DGKI: variants seen among roughly 807,000 people sequenced by gnomAD.
DGKI encodes the protein DAG kinase iota.
DGKI carries 55 observed loss-of-function variants against 147.5 expected under a neutral mutation model. That is an observed-to-expected ratio of 0.37 (90% CI 0.30 to 0.47). DGKI has a LOEUF of 0.47. DGKI is among the 20% of genes least tolerant of loss of function. The pLI is 1.00. For missense variants in DGKI, 1,007 were observed against 1,323.8 expected (o/e 0.76, Z 3.71); for synonymous variants, 469 against 477.1 (o/e 0.98, Z 0.22).
intron 28 of DGKI, among the ~76,000 whole-genome samples, chr7:137,435,567 G>T (rs1006511964): frequency 3.9e-5 from 6 of 152,072 alleles, no homozygotes; most frequent in Non-Finnish European, 7.4e-5. Flanking sequence ...GAGCTAAAGC[G>T]GGAAGAGAAA....
At chr7:137,421,001 AGAGT>A (rs951880674) in intron 28 of DGKI, among the ~76,000 whole-genome samples, 3 of 152,310 alleles carry the variant, frequency 2.0e-5, no homozygotes, top group South Asian at 2.1e-4. Flanking sequence ...CCTGAGTGAC[AGAGT>A]GAGATTCCGT....
At chr7:137,393,339 T>G (rs192265845) in intron 32 of DGKI, among the ~76,000 whole-genome samples, 362 of 152,256 alleles carry the variant, frequency 2.4e-3, no homozygotes, top group African/African-American at 8.2e-3. Context: ...GCAGACCTGC[T>G]CAAGAGCCAG....
chr7:137,562,776 T>C (rs1220589795), intron 19 of DGKI, among the ~76,000 whole-genome samples: 1 of 152,148 alleles, frequency 6.6e-6, no homozygotes, highest in Non-Finnish European at 1.5e-5. Context: ...TCTATATCTA[T>C]ACTTGCCTTA....
chr7:137,600,410 A>C (rs560454995), intron 10 of DGKI, among the ~76,000 whole-genome samples: 2 of 152,204 alleles, frequency 1.3e-5, no homozygotes, highest in Non-Finnish European at 2.9e-5. Context: ...ACTCTGGGCA[A>C]GTTTCTTCAT....
At chr7:137,554,044 T>C (rs566111853) in intron 19 of DGKI, among the ~76,000 whole-genome samples, 1 of 152,090 alleles carries the variant, frequency 6.6e-6, no homozygotes, top group Admixed American at 6.6e-5. Context: ...GACTCAAAAA[T>C]AAAACAACAG....
At chr7:137,435,276 C>CA (rs1012523998) in intron 28 of DGKI, among the ~76,000 whole-genome samples, 9 of 151,904 alleles carry the variant, frequency 5.9e-5, no homozygotes, top group Middle Eastern at 3.2e-3. Flanking sequence ...GGAACACACT[C>CA]AAAAAAACAA....
chr7:137,836,083 A>G (rs1404224291), intron 1 of DGKI, among the ~76,000 whole-genome samples: 1 of 152,232 alleles, frequency 6.6e-6, no homozygotes, highest in Non-Finnish European at 1.5e-5. Flanking sequence ...ATTATTATTA[A>G]GTACCTAAAT....
At chr7:137,550,167 G>GT (rs71533756) in intron 20 of DGKI, among the ~76,000 whole-genome samples, 2,230 of 137,954 alleles carry the variant, frequency 0.016, 35 homozygotes, top group African/African-American at 0.033. Flanking sequence ...TGTTGTTTGA[G>GT]TTTTTTTTTT....
chr7:137,845,480 G>C (rs1363068709), intron 1 of DGKI, among the ~76,000 whole-genome samples: 2 of 152,164 alleles, frequency 1.3e-5, no homozygotes, highest in Non-Finnish European at 2.9e-5. Flanking sequence ...GAAACCCTCT[G>C]AGCTCCAGCA....
At chr7:137,635,081 T>C (rs1477182320) in intron 6 of DGKI, among the ~76,000 whole-genome samples, 2 of 152,226 alleles carry the variant, frequency 1.3e-5, no homozygotes, top group African/African-American at 2.4e-5. Flanking sequence ...CATTAATTCC[T>C]ACCAGAGAGC....
At chr7:137,412,295 T>C (rs2128901329) in intron 28 of DGKI, 88 bp from the exon 29 acceptor site, 7 of 1,242,280 alleles carry the variant, frequency 5.6e-6, no homozygotes, top group Middle Eastern at 1.9e-4. Flanking sequence ...TTTGGATAAG[T>C]AGTCTACATT....
At chr7:137,727,939 G>C (rs578202212) in intron 1 of DGKI, among the ~76,000 whole-genome samples, 28 of 152,218 alleles carry the variant, frequency 1.8e-4, no homozygotes, top group African/African-American at 2.9e-4. Context: ...AGTGGAACCA[G>C]CTTGGAGACA....
intron 20 of DGKI, among the ~76,000 whole-genome samples, chr7:137,539,346 A>G (rs1230251677): frequency 3.3e-5 from 5 of 152,210 alleles, no homozygotes; most frequent in Non-Finnish European, 7.3e-5. Context: ...CCAAGAGACC[A>G]GAAAGTACCA....
Position 137,618,151 on chromosome 7 carries a change from A to ATATATT in DGKI, c.993+1672_993+1673insAATATA. ...ACTATATATATATATATATATATAT[A>ATATATT]TTTTTTTTTTTTTACTCTATCATTC... On this transcript the variant is annotated intron_variant, in intron 8 of 32. Transcript: ENST00000614521. Among the ~76,000 whole-genome samples, 41 of 10,464 alleles carry ATATATT rather than the reference A, an allele frequency of 3.9e-3. 3 individuals carry two copies. The highest frequency in any genetic ancestry group is 0.022 in the Admixed American group (6 of 276). 6.9% of individuals were successfully genotyped at this position (10,464 alleles called of 152,430 possible).
At chr7:137,781,205 A>G (rs1345147932) in intron 1 of DGKI, among the ~76,000 whole-genome samples, 2 of 152,210 alleles carry the variant, frequency 1.3e-5, no homozygotes, top group Non-Finnish European at 2.9e-5. Flanking sequence ...GTACTACTCA[A>G]AAGGCATAGC....
At chr7:137,446,040 G>C (rs1268733248) in intron 27 of DGKI, among the ~76,000 whole-genome samples, 1 of 152,200 alleles carries the variant, frequency 6.6e-6, no homozygotes, top group African/African-American at 2.4e-5. Flanking sequence ...GGTGTTTGCT[G>C]ATGAGAAGTA....
intron 28 of DGKI, among the ~76,000 whole-genome samples, chr7:137,428,790 C>T (rs895645996): frequency 3.1e-4 from 47 of 152,096 alleles, no homozygotes; most frequent in Non-Finnish European, 5.7e-4. Context: ...CATGAGTGAA[C>T]TCCCAGTCAC....
chr7:137,409,640 T>C (rs1219520945), intron 29 of DGKI, among the ~76,000 whole-genome samples: 2 of 152,246 alleles, frequency 1.3e-5, no homozygotes, highest in Admixed American at 6.5e-5. Flanking sequence ...TCCATTCAAC[T>C]GCGTTGTCTT....
intron 1 of DGKI, among the ~76,000 whole-genome samples, chr7:137,764,977 A>T (rs1485384275): frequency 6.6e-6 from 1 of 152,158 alleles, no homozygotes; most frequent in Non-Finnish European, 1.5e-5. Flanking sequence ...CACAGCTAAT[A>T]AGGAGAAGAC....
Sources: gnomAD v4.1 joint callset for allele counts (sites outside exome capture counted in the v4.1 genomes callset) on GRCh38, gnomAD v4.1.1 for gene constraint, MANE v1.5 for transcripts, NCBI Gene and HGNC (gene_info 2026-07-23, HGNC 2026-07-21) for gene names.